The following TRIO variants were observed in gnomAD, a reference collection of about 807,000 sequenced individuals.
The protein encoded by TRIO is trio Rho guanine nucleotide exchange factor.
A neutral mutation model predicts 351.9 loss-of-function variants in TRIO; 58 were observed. The ratio of observed to expected loss-of-function variants is 0.16; its 90% CI spans 0.13 to 0.21. The LOEUF (loss-of-function observed/expected upper bound fraction) is 0.21. Ranked by LOEUF, TRIO falls within the 10% of genes least tolerant of loss-of-function variation. TRIO has a pLI of 1.00. For missense variants in TRIO, 3,201 were observed against 4,027.8 expected (o/e 0.79, Z 5.56); for synonymous variants, 1,758 against 1,595.7 (o/e 1.10, Z -2.42).
chr5:14,291,768 G>A (rs903134148), intron 5 of TRIO, among the ~76,000 whole-genome samples: 11 of 126,000 alleles, frequency 8.7e-5, no homozygotes, highest in Admixed American at 2.9e-4. Flanking sequence ...CGGCCTGGGC[G>A]ACAGAGTGAG....
At chr5:14,256,476 G>C (rs1187279442) in intron 1 of TRIO, among the ~76,000 whole-genome samples, 1 of 152,176 alleles carries the variant, frequency 6.6e-6, no homozygotes, top group Non-Finnish European at 1.5e-5. Flanking sequence ...AATCAGGGAG[G>C]GGCATGGGGA....
Position 14,290,931 on chromosome 5 carries a change from G to C in TRIO, c.756G>C (p.Gly252=). The change falls in exon 5 of 57, where the codon GGG becomes GGC. Residue 252 remains glycine, a synonymous_variant. Coordinates refer to ENST00000344204, the MANE Select transcript of TRIO (RefSeq NM_007118.4). ...AKKELPQDLE[G]ARNMIEEHSQ... ...AGGAGCTGCCTCAGGATTTAGAGGG[G>C]GCTCGGAATATGATCGAGGAACATT... The C allele has an allele frequency of 6.2e-7, 1 of 1,614,162 alleles. No individual in the cohort carries two copies. Among genetic ancestry groups the C allele is most frequent in the Non-Finnish European group, 8.5e-7 (1 of 1,180,030 alleles).
rs1756996979 is a variant in TRIO, at chr5:14,497,763, A to G, written c.8020-84A>G. The G allele has an allele frequency of 2.6e-6, 4 of 1,568,606 alleles. No individual in the cohort carries two copies. Among genetic ancestry groups the G allele is most frequent in the Non-Finnish European group, 3.5e-6 (4 of 1,139,802 alleles). On this transcript the variant is annotated intron_variant, in intron 50 of 56. Coordinates refer to ENST00000344204, the MANE Select transcript of TRIO (RefSeq NM_007118.4). The surrounding 1 kb of genome is among the most constrained non-coding windows in gnomAD (Gnocchi z 4.4). ...CAAGTCAGTTTCTGCAAATCTTTCA[A>G]CAATAATTGTAGCCCTGGAATGAAA...
Position 14,487,760 on chromosome 5 carries a change from C to T in TRIO, c.7132C>T (p.Pro2378Ser). ...GTCCACCCCCGGGCCCTCCCTGCCTCCCCCTGGCGCGGCCCCCGAGGCCGG... is the reference window on the plus strand; with the variant it reads ...GTCCACCCCCGGGCCCTCCCTGCCTTCCCCTGGCGCGGCCCCCGAGGCCGG... The part of the protein sequence containing the change: ...GTSTPGPSLP[P>S]PGAAPEAGPS... The change falls in exon 48 of 57, where the codon CCC becomes TCC. Residue 2378 changes from proline to serine, a missense_variant. Physicochemically the swap from Pro to Ser is moderately conservative, Grantham distance 74 (BLOSUM62 -1). This residue lies in a region of TRIO where 1,089 missense variants were observed against 954.9 expected (regional missense o/e 1.14). Transcript: ENST00000344204. 1 of 1,380,840 alleles carries T rather than the reference C, an allele frequency of 7.2e-7. No homozygotes were observed. The highest frequency in any genetic ancestry group is 9.4e-7 in the Non-Finnish European group (1 of 1,063,510). The allele number at this position is 1,380,840 out of a possible 1,614,324, so 85.5% of individuals were successfully genotyped here.
chr5:14,314,572 G>A (rs165085), intron 8 of TRIO, among the ~76,000 whole-genome samples: 6,892 of 152,280 alleles, frequency 0.045, 553 homozygotes, highest in African/African-American at 0.16. Context: ...GGATTTGTGG[G>A]AAGATCAGTA....
intron 34 of TRIO, among the ~76,000 whole-genome samples, chr5:14,453,231 T>G (rs1312664433): frequency 1.3e-5 from 2 of 152,192 alleles, no homozygotes; most frequent in Non-Finnish European, 2.9e-5. Flanking sequence ...ACAGATGGCT[T>G]TCTCATGCGC....
intron 34 of TRIO, among the ~76,000 whole-genome samples, chr5:14,449,847 T>A (rs1752717937): frequency 1.3e-5 from 2 of 152,246 alleles, no homozygotes; most frequent in Admixed American, 1.3e-4. Context: ...AAGCAAAGGA[T>A]CTTACCATCT....
Position 14,270,892 on chromosome 5 carries a change from C to T in TRIO, c.225C>T (p.Tyr75=), listed in dbSNP as rs1455004743. Residue 75 remains tyrosine (Y), a synonymous_variant, in exon 2 of 57, where the codon TAC becomes TAT. Transcript: ENST00000344204. ...VLPILKEKVA[Y]LSGGRDKRGG... ...CAATTTTGAAGGAAAAAGTTGCATA[C>T]CTTTCAGGTAAAGTTTAACTTTCAA... 3 of 1,612,922 alleles carry T rather than the reference C, an allele frequency of 1.9e-6. No homozygotes were observed. The South Asian group carries it at 3.3e-5, about 18-fold the overall frequency.
intron 36 of TRIO, among the ~76,000 whole-genome samples, chr5:14,463,630 A>G (rs941388538): frequency 1.3e-5 from 2 of 150,048 alleles, no homozygotes; most frequent in African/African-American, 2.5e-5. Context: ...TTCTGGCCCT[A>G]TTGTGCCCCT....
At chr5:14,207,135 C>T (rs555108510) in intron 1 of TRIO, among the ~76,000 whole-genome samples, 63 of 151,956 alleles carry the variant, frequency 4.1e-4, no homozygotes, top group Non-Finnish European at 7.2e-4. Flanking sequence ...CAAAATATAC[C>T]TTTAAGGAAA....
At chr5:14,288,837 C>T (rs706271) in intron 4 of TRIO, among the ~76,000 whole-genome samples, 27,910 of 152,106 alleles carry the variant, frequency 0.18, 2,756 homozygotes, top group Admixed American at 0.28. Flanking sequence ...GGTTCTAGGT[C>T]ACAACTCTTT....
chr5:14,366,395 T>C (rs905652316), intron 15 of TRIO, among the ~76,000 whole-genome samples: 2 of 144,790 alleles, frequency 1.4e-5, no homozygotes, highest in Non-Finnish European at 3.2e-5. Flanking sequence ...TTGGTTATTA[T>C]GCCATTCAAC....
At chr5:14,179,383 A>T (rs1789609173) in intron 1 of TRIO, among the ~76,000 whole-genome samples, 4 of 152,134 alleles carry the variant, frequency 2.6e-5, no homozygotes. Flanking sequence ...ATAAAAATGT[A>T]TTCTTTTCAC....
intron 18 of TRIO, 60 bp downstream of exon 18, chr5:14,369,583 G>C: frequency 6.5e-7 from 1 of 1,528,784 alleles, no homozygotes; most frequent in African/African-American, 1.4e-5. Flanking sequence ...CCAGGTGCGC[G>C]TGGCACAGTC....
chr5:14,508,417 G>A lies in TRIO; in HGVS notation c.9289G>A (p.Val3097Ile). The A allele has an allele frequency of 1.2e-6, 2 of 1,603,190 alleles. No homozygotes were observed. The change falls in exon 57 of 57, where the codon GTT becomes ATT. Residue 3097 changes from valine to isoleucine, a missense_variant. By Grantham distance (29) the Val-to-Ile change is conservative. This residue lies in a region of TRIO where 233 missense variants were observed against 292.6 expected (regional missense o/e 0.80). Coordinates refer to ENST00000344204, the MANE Select transcript of TRIO (RefSeq NM_007118.4). ...TCTGCAGAGCAGGCTTCTGCCTAGA[G>A]TTTGACCTATCCAGAAGTTCTTTCT... The part of the protein sequence containing the change: ...NFLQSRLLPR[V>I]
chr5:14,160,927 T>C (rs1033916160), intron 1 of TRIO, among the ~76,000 whole-genome samples: 5 of 152,196 alleles, frequency 3.3e-5, no homozygotes, highest in African/African-American at 4.8e-5. Flanking sequence ...ATTATTTTTT[T>C]TGAGATGGAG....
chr5:14,272,948 T>G (rs1483395396), intron 2 of TRIO, among the ~76,000 whole-genome samples: 1 of 152,232 alleles, frequency 6.6e-6, no homozygotes, highest in Non-Finnish European at 1.5e-5. Context: ...GTTTCTTTTT[T>G]ATTGAAATCT....
intron 33 of TRIO, among the ~76,000 whole-genome samples, chr5:14,406,985 A>G (rs1748782127): frequency 6.6e-6 from 1 of 152,146 alleles, no homozygotes; most frequent in Admixed American, 6.5e-5. Flanking sequence ...AGAAGAACCT[A>G]TCATTTAAAA....
At chr5:14,151,212 G>A (rs1787807764) in intron 1 of TRIO, among the ~76,000 whole-genome samples, 1 of 152,184 alleles carries the variant, frequency 6.6e-6, no homozygotes, top group Non-Finnish European at 1.5e-5. Flanking sequence ...TCACGGTATT[G>A]ACAATTAATA....
Sources: allele counts gnomAD v4.1 joint callset (sites outside exome capture counted in the v4.1 genomes callset), GRCh38; gene constraint gnomAD v4.1.1; regional missense constraint gnomAD v4.1.1; non-coding constraint Gnocchi (gnomAD v3.1); transcripts MANE v1.5; gene names NCBI Gene and HGNC (gene_info 2026-07-23, HGNC 2026-07-21).